The following GRB10 variants were observed in gnomAD, a reference collection of about 807,000 sequenced individuals.
The protein encoded by GRB10 is growth factor receptor bound protein 10, also known as growth factor receptor-bound protein 10.
A neutral mutation model predicts 80.9 loss-of-function variants in GRB10; 20 were observed. The observed-to-expected ratio is 0.25, with a 90% CI of 0.17 to 0.36. GRB10 has a LOEUF of 0.36. GRB10 is among the 10% of genes least tolerant of loss of function. GRB10 has a pLI of 1.00. For synonymous variants in GRB10, 291 were observed against 291.5 expected, an observed-to-expected ratio of 1.00 and a Z score of 0.02; for missense variants, 548 against 747.7, an observed-to-expected ratio of 0.73 and a Z score of 3.12.
intron 17 of GRB10, among the ~76,000 whole-genome samples, chr7:50,603,685 A>AT (rs932850642): frequency 2.5e-4 from 38 of 152,096 alleles, no homozygotes; most frequent in Non-Finnish European, 3.7e-4. Context: ...AGGCAAAAGC[A>AT]TTTTTTTTCC....
intron 5 of GRB10, among the ~76,000 whole-genome samples, chr7:50,698,033 T>G (rs2063668458): frequency 1.1e-4 from 3 of 26,176 alleles, no homozygotes. Context: ...TCCAGCTCAG[T>G]TGGTTTCCAT....
chr7:50,635,387 A>G (rs4612291), intron 7 of GRB10, among the ~76,000 whole-genome samples: 16,329 of 152,060 alleles, frequency 0.11, 1,050 homozygotes, highest in Non-Finnish European at 0.11. Context: ...GTGCTAAGAA[A>G]TAAGTTTTAT....
chr7:50,606,300 A>C (rs1242598148), intron 14 of GRB10, 37 bp downstream of exon 14: 2 of 1,518,756 alleles, frequency 1.3e-6, no homozygotes, highest in South Asian at 2.2e-5. Context: ...AGAAGCTGAA[A>C]AGGCACTAGA....
Position 50,623,434 on chromosome 7 carries a change from C to T in GRB10, c.661+3388G>A, listed in dbSNP as rs145362598. Among the ~76,000 whole-genome samples the T allele has an allele frequency of 7.6e-4, 116 of 152,364 alleles. 1 individual carries two copies. Among genetic ancestry groups the T allele is most frequent in the African/African-American group, 2.6e-3 (107 of 41,586 alleles). Reference sequence around the variant, plus strand: ...GCTAACGCTGGGAAGGGCCACCTGACCTCAGTCTGCTCATAGGAGTCGTTC... The same window carrying T: ...GCTAACGCTGGGAAGGGCCACCTGATCTCAGTCTGCTCATAGGAGTCGTTC... On this transcript the variant is annotated intron_variant, in intron 8 of 18. Coordinates refer to ENST00000401949, the MANE Select transcript of GRB10 (RefSeq NM_001350814.2).
chr7:50,732,435 G>C, intron 3 of GRB10, 67 bp from the exon 4 acceptor site: 2 of 953,222 alleles, frequency 2.1e-6, no homozygotes, highest in South Asian at 2.7e-5. Flanking sequence ...ACTTATGGCT[G>C]GTTCAAGTGT....
chr7:50,669,887 G>C (rs1382055138), intron 6 of GRB10, 24 bp from the exon 7 acceptor site: 1 of 1,595,560 alleles, frequency 6.3e-7, no homozygotes, highest in African/African-American at 1.3e-5. Flanking sequence ...ATAAGTGCCT[G>C]TTAAAAGCTG....
intron 7 of GRB10, among the ~76,000 whole-genome samples, chr7:50,647,574 A>G (rs2057382854): frequency 6.6e-6 from 1 of 152,246 alleles, no homozygotes; most frequent in Non-Finnish European, 1.5e-5. Flanking sequence ...TAGGGGAGAT[A>G]GACAAAAAGC....
intron 9 of GRB10, among the ~76,000 whole-genome samples, chr7:50,618,821 G>T (rs1054006544): frequency 1.3e-5 from 2 of 152,218 alleles, no homozygotes; most frequent in African/African-American, 4.8e-5. Context: ...TATTTGCAGA[G>T]AATAATGAGT....
At position 50,723,487 on chromosome 7, in the gene GRB10, A is replaced by G. The variant is rs17133991; in HGVS notation, c.51+8785T>C. 7.2e-3 allele frequency among the ~76,000 whole-genome samples: 1,090 copies of G among 152,332 alleles called. 10 individuals are homozygous for G. Among genetic ancestry groups the G allele is most frequent in the Non-Finnish European group, 0.013 (868 of 68,016 alleles). On this transcript the variant is annotated intron_variant, in intron 4 of 18. Transcript: ENST00000401949. ...GCTGGGTTTCAGCTGAGGTCTGGAA[A>G]TGAAGGATGAACCCCTCAGCCAGTA...
chr7:50,782,433 G>A lies in GRB10; in HGVS notation c.-336C>T, dbSNP rs987056996. 6 of 148,666 alleles carry A rather than the reference G, an allele frequency of 4.0e-5. No individual in the cohort carries two copies. The highest frequency in any genetic ancestry group is 9.7e-5 in the African/African-American group (4 of 41,068). The allele number at this position is 148,666 out of a possible 1,614,324, so 9.2% of individuals were successfully genotyped here. ...GAGCCCACCTGAGTACCTGGAGAGC[G>A]GGCGGCAGCACTGGCCGCACGGGGT... On this transcript the variant is annotated 5_prime_UTR_variant, in exon 1 of 19. Transcript: ENST00000401949. The surrounding 1 kb of genome is among the most constrained non-coding windows in gnomAD (Gnocchi z 6.6).
upstream of GRB10, among the ~76,000 whole-genome samples, chr7:50,786,659 T>C (rs1056555536): frequency 6.6e-6 from 1 of 152,220 alleles, no homozygotes; most frequent in African/African-American, 2.4e-5. Flanking sequence ...CCGTAAACTG[T>C]GAGAGTAGAT....
At chr7:50,682,375 T>C (rs543005194) in intron 5 of GRB10, among the ~76,000 whole-genome samples, 4 of 152,348 alleles carry the variant, frequency 2.6e-5, no homozygotes, top group African/African-American at 7.2e-5. Context: ...CCCCAGGCTC[T>C]GGGATTTAGG....
At chr7:50,596,713 T>C (rs2046718355) in intron 17 of GRB10, among the ~76,000 whole-genome samples, 1 of 151,202 alleles carries the variant, frequency 6.6e-6, no homozygotes, top group African/African-American at 2.4e-5. Context: ...TCCTAAACGG[T>C]TCAGAAGAAA....
At chr7:50,710,741 G>T in intron 4 of GRB10, 2 of 931,358 alleles carry the variant, frequency 2.1e-6, no homozygotes, top group Non-Finnish European at 3.5e-6. Context: ...TCACCTTCGG[G>T]GTATCTCCAC....
intron 7 of GRB10, among the ~76,000 whole-genome samples, chr7:50,637,722 A>C (rs1386057589): frequency 3.8e-4 from 13 of 34,424 alleles, no homozygotes; most frequent in Middle Eastern, 8.6e-3. Flanking sequence ...GTGGAACAAA[A>C]AAAAAAAAAG....
intron 3 of GRB10, among the ~76,000 whole-genome samples, chr7:50,739,269 A>C (rs376001808): frequency 3.9e-5 from 6 of 152,244 alleles, no homozygotes; most frequent in African/African-American, 1.4e-4. Flanking sequence ...TGCACCCAAT[A>C]ACACTTTTTC....
rs1404856837 is a variant in GRB10 at position 50,626,891 on chromosome 7, C to T, written c.592G>A (p.Val198Ile). 2.5e-6 allele frequency: 4 copies of T among 1,614,042 alleles called. No individual in the cohort carries two copies. The Admixed American group carries it at 6.7e-5, about 27-fold the overall frequency. ...MTARDLCQLL[V>I]YKSHCVDDNS... ...TCATCCACACAGTGACTTTTGTAAA[C>T]CAGCAATTGGCACAGGTCTCTGGCT... Residue 198 changes from valine to isoleucine, a missense_variant, in exon 8 of 19, where the codon GTT (valine) becomes ATT (isoleucine). Transcript: ENST00000401949.
chr7:50,740,082 T>C (rs2071448421), intron 3 of GRB10, among the ~76,000 whole-genome samples: 1 of 152,206 alleles, frequency 6.6e-6, no homozygotes, highest in Non-Finnish European at 1.5e-5. Context: ...AAATCCAAAA[T>C]GTGCATTTAA....
chr7:50,633,502 T>A (rs1398973289), intron 7 of GRB10, among the ~76,000 whole-genome samples: 1 of 152,100 alleles, frequency 6.6e-6, no homozygotes, highest in Non-Finnish European at 1.5e-5. Flanking sequence ...TCCAGCTCCA[T>A]GAAGAAACAA....
Sources: gnomAD v4.1 joint callset for allele counts (sites outside exome capture counted in the v4.1 genomes callset) on GRCh38, gnomAD v4.1.1 for gene constraint, Gnocchi (gnomAD v3.1) non-coding constraint, MANE v1.5 for transcripts, NCBI Gene and HGNC (gene_info 2026-07-23, HGNC 2026-07-21) for gene names.